PNPLA1: variants seen among roughly 807,000 people sequenced by gnomAD.
PNPLA1 encodes the protein omega-hydroxyceramide transacylase.
PNPLA1 carries 36 observed loss-of-function variants against 51.7 expected under a neutral mutation model. That is an observed-to-expected ratio of 0.70 (90% CI 0.53 to 0.92). The LOEUF (loss-of-function observed/expected upper bound fraction) is 0.92, where lower values mean the gene tolerates loss of function less well. Among genes scored for constraint, PNPLA1 ranks in the 40% least tolerant of loss-of-function variants. The probability of loss-of-function intolerance (pLI) is 0.00; values close to 1 mark genes in which losing one functional copy is unlikely to be tolerated. For synonymous variants in PNPLA1, 293 were observed against 280.1 expected, an observed-to-expected ratio of 1.05 and a Z score of -0.46; for missense variants, 658 against 682.5, an observed-to-expected ratio of 0.96 and a Z score of 0.40.
chr6:36,245,878 C>T (rs1561843898), intron 1 of PNPLA1, among the ~76,000 whole-genome samples: 3 of 152,190 alleles, frequency 2.0e-5, no homozygotes, highest in Admixed American at 6.5e-5. Context: ...CCCCGCCCCC[C>T]GCCACACTGC....
chr6:36,300,172 T>TGA (rs1561869592), intron 5 of PNPLA1, among the ~76,000 whole-genome samples: 1 of 71,808 alleles, frequency 1.4e-5, no homozygotes, highest in African/African-American at 4.2e-5. Context: ...TGTGTGTGTG[T>TGA]GTGTGTGAGA....
At chr6:36,276,772 TCC>T (rs1400143121) in intron 1 of PNPLA1, among the ~76,000 whole-genome samples, 60 of 152,004 alleles carry the variant, frequency 3.9e-4, no homozygotes, top group African/African-American at 1.3e-3. Flanking sequence ...CTTCCTTCCT[TCC>T]TTCCTTCCTT....
chr6:36,282,207 AGGAAG>A (rs1770332633), intron 1 of PNPLA1, among the ~76,000 whole-genome samples: 1 of 72,746 alleles, frequency 1.4e-5, no homozygotes. Context: ...GAAGGAAGGA[AGGAAG>A]GGAAGGAAGG....
intron 7 of PNPLA1, among the ~76,000 whole-genome samples, chr6:36,307,366 A>T (rs978027079): frequency 3.3e-5 from 5 of 152,050 alleles, no homozygotes; most frequent in Non-Finnish European, 7.3e-5. Flanking sequence ...TTTACATATA[A>T]CTCTATAAAA....
At chr6:36,261,427 CA>C (rs925553052) in intron 1 of PNPLA1, among the ~76,000 whole-genome samples, 5 of 152,306 alleles carry the variant, frequency 3.3e-5, no homozygotes, top group African/African-American at 1.2e-4. Flanking sequence ...CCTCTGAGGA[CA>C]GTCTGGGCTC....
Position 36,248,967 on chromosome 6 carries a change from A to G in PNPLA1, c.-81+5706A>G, listed in dbSNP as rs531177529. 7.9e-5 allele frequency among the ~76,000 whole-genome samples: 12 copies of G among 152,314 alleles called. No individual in the cohort carries two copies. The East Asian group carries it at 1.9e-3, about 24-fold the overall frequency. On this transcript the variant is annotated intron_variant, in intron 1 of 7. Transcript: ENST00000312917. ...TGCATATCTGCCCTAGAGAGGCCCA[A>G]TGGGGAAGGTGCAGAGGCCAGGGGA...
chr6:36,288,679 C>T (rs948866199), intron 1 of PNPLA1, among the ~76,000 whole-genome samples: 2 of 151,698 alleles, frequency 1.3e-5, no homozygotes, highest in East Asian at 1.9e-4. Context: ...AGGATGGTCT[C>T]GATCTCCTGA....
At chr6:36,283,352 A>T (rs375646944) in intron 1 of PNPLA1, among the ~76,000 whole-genome samples, 3 of 152,244 alleles carry the variant, frequency 2.0e-5, no homozygotes, top group East Asian at 3.8e-4. Context: ...TTCAAGAAAG[A>T]CAGTTGAGCT....
intron 2 of PNPLA1, 81 bp downstream of exon 2, chr6:36,291,633 G>A (rs964536020): frequency 7.4e-6 from 9 of 1,212,432 alleles, no homozygotes; most frequent in East Asian, 2.5e-5. Flanking sequence ...AGCTCAACCC[G>A]ATGCCTTATC....
At chr6:36,257,417 T>C (rs957264977) in intron 1 of PNPLA1, among the ~76,000 whole-genome samples, 2 of 152,248 alleles carry the variant, frequency 1.3e-5, no homozygotes, top group African/African-American at 4.8e-5. Context: ...TTCTGTCTTC[T>C]TGCTCTGCCA....
upstream of PNPLA1, among the ~76,000 whole-genome samples, chr6:36,266,586 C>T (rs190737344): frequency 4.6e-5 from 7 of 152,236 alleles, no homozygotes; most frequent in East Asian, 1.9e-4. Flanking sequence ...TGATGATCAC[C>T]GTGAGCTCAT....
At chr6:36,282,049 G>T (rs190640269) in intron 1 of PNPLA1, among the ~76,000 whole-genome samples, 33 of 65,960 alleles carry the variant, frequency 5.0e-4, no homozygotes, top group Non-Finnish European at 8.5e-4. Context: ...AAGAAGGAAA[G>T]AAAGAAAGAA....
At chr6:36,286,658 A>G (rs971590096) in intron 1 of PNPLA1, among the ~76,000 whole-genome samples, 1 of 152,036 alleles carries the variant, frequency 6.6e-6, no homozygotes, top group Non-Finnish European at 1.5e-5. Flanking sequence ...CCGTTCAAAA[A>G]TCTCCCAGTC....
At position 36,273,576 on chromosome 6, in the gene PNPLA1, C is replaced by G. The variant is rs191165301; in HGVS notation, c.205+2912C>G. Among the ~76,000 whole-genome samples, 34 of 151,636 alleles carry G rather than the reference C, an allele frequency of 2.2e-4. No homozygotes were observed. The East Asian group carries it at 6.3e-3, about 28-fold the overall frequency. On this transcript the variant is annotated intron_variant, in intron 1 of 8. Coordinates refer to ENST00000636260, the MANE Select transcript of PNPLA1 (RefSeq NM_001374623.1). ...CGTTGCTCATCTGCTCCATTACCCT[C>G]ACTCTTCTGTCTTTATGTCATCTTA...
chr6:36,249,546 C>T (rs757977740), intron 1 of PNPLA1, among the ~76,000 whole-genome samples: 63 of 152,196 alleles, frequency 4.1e-4, no homozygotes, highest in African/African-American at 1.4e-3. Flanking sequence ...TGTTGGGACT[C>T]GTAGGTTTTG....
chr6:36,274,872 T>G (rs146868119), intron 1 of PNPLA1, among the ~76,000 whole-genome samples: 96 of 152,328 alleles, frequency 6.3e-4, no homozygotes, highest in African/African-American at 2.2e-3. Context: ...CTTTCCCTGT[T>G]TTTTCCTACT....
chr6:36,282,876 G>A (rs1031680122), intron 1 of PNPLA1, among the ~76,000 whole-genome samples: 1 of 152,040 alleles, frequency 6.6e-6, no homozygotes, highest in Non-Finnish European at 1.5e-5. Context: ...GTAGAGATGG[G>A]GTTTCACCAT....
Position 36,248,075 on chromosome 6 carries a change from C to T in PNPLA1, c.-81+4814C>T, listed in dbSNP as rs1443324367. On this transcript the variant is annotated intron_variant, in intron 1 of 7. Transcript: ENST00000312917. ...TCTGCCACCGTGTACCATGCCCTCT[C>T]TCTGTTGTCACATGCAGTCACTTGC... Among the ~76,000 whole-genome samples the T allele has an allele frequency of 1.1e-4, 16 of 152,304 alleles. 1 individual carries two copies. The highest frequency in any genetic ancestry group is 8.5e-4 in the Admixed American group (13 of 15,298).
At chr6:36,304,011 G>T (rs1480336103) in intron 6 of PNPLA1, among the ~76,000 whole-genome samples, 2 of 152,140 alleles carry the variant, frequency 1.3e-5, no homozygotes, top group Non-Finnish European at 2.9e-5. Context: ...GGATTGGATG[G>T]GTTGGAGTAG....
Sources: allele counts gnomAD v4.1 joint callset (sites outside exome capture counted in the v4.1 genomes callset), GRCh38; gene constraint gnomAD v4.1.1; transcripts MANE v1.5; gene names NCBI Gene and HGNC (gene_info 2026-07-23, HGNC 2026-07-21).